Variants in WWOX observed in about 807,000 individuals in gnomAD.
The protein encoded by WWOX is WW domain-containing oxidoreductase.
WWOX carries 69 observed loss-of-function variants against 46.2 expected under a neutral mutation model. The ratio of observed to expected loss-of-function variants is 1.49; its 90% CI spans 1.23 to 1.82. The LOEUF is 1.82. WWOX is among the 40% of genes most tolerant of loss of function. The pLI is 0.00. For missense variants in WWOX, 919 were observed against 542.6 expected (o/e 1.69, Z -6.89); for synonymous variants, 359 against 202.6 (o/e 1.77, Z -6.56).
At chr16:79,012,406 C>T (rs111770210) in intron 8 of WWOX, among the ~76,000 whole-genome samples, 2 of 151,986 alleles carry the variant, frequency 1.3e-5, no homozygotes, top group Admixed American at 1.3e-4. Flanking sequence ...CTAATTTTTG[C>T]ATTTTTAGTA....
At chr16:78,361,139 T>C (rs1056795379) in intron 5 of WWOX, among the ~76,000 whole-genome samples, 10 of 152,050 alleles carry the variant, frequency 6.6e-5, no homozygotes, top group Non-Finnish European at 1.5e-4. Flanking sequence ...ATTCAGTCTT[T>C]GATAGTTGCT....
At chr16:78,500,464 T>G (rs2085033895) in intron 8 of WWOX, among the ~76,000 whole-genome samples, 1 of 152,126 alleles carries the variant, frequency 6.6e-6, no homozygotes. Flanking sequence ...GTTTGTTTTT[T>G]TTTAGATCGC....
intron 5 of WWOX, among the ~76,000 whole-genome samples, chr16:78,365,038 C>T (rs1332529010): frequency 6.6e-6 from 1 of 152,080 alleles, no homozygotes; most frequent in Admixed American, 6.6e-5. Context: ...TTCTTTGGGG[C>T]CGGTTAGACT....
At chr16:78,946,859 C>G (rs1326713440) in intron 8 of WWOX, among the ~76,000 whole-genome samples, 2 of 152,020 alleles carry the variant, frequency 1.3e-5, no homozygotes, top group African/African-American at 4.8e-5. Context: ...GTAAGAATGG[C>G]CGTGGCAAGG....
chr16:78,648,899 C>T (rs2046904719), intron 8 of WWOX, among the ~76,000 whole-genome samples: 1 of 152,096 alleles, frequency 6.6e-6, no homozygotes, highest in Non-Finnish European at 1.5e-5. Context: ...TAGCTTTGCA[C>T]TAGGTTAATT....
At chr16:78,540,138 C>T (rs894224142) in intron 8 of WWOX, among the ~76,000 whole-genome samples, 2 of 151,180 alleles carry the variant, frequency 1.3e-5, no homozygotes, top group East Asian at 3.9e-4. Context: ...TCAATTTCTG[C>T]CTGAGAGAGT....
chr16:78,806,914 G>A (rs1018567776), intron 8 of WWOX, among the ~76,000 whole-genome samples: 1 of 152,162 alleles, frequency 6.6e-6, no homozygotes, highest in Admixed American at 6.5e-5. Context: ...ATGGTATTTG[G>A]CAAGGGGTCA....
intron 5 of WWOX, among the ~76,000 whole-genome samples, chr16:78,380,576 G>A (rs888824830): frequency 6.6e-6 from 1 of 151,966 alleles, no homozygotes; most frequent in Non-Finnish European, 1.5e-5. Flanking sequence ...CCCATTCAGC[G>A]GTGACCACCA....
At chr16:78,770,320 C>T (rs373539832) in intron 8 of WWOX, among the ~76,000 whole-genome samples, 22 of 151,940 alleles carry the variant, frequency 1.4e-4, no homozygotes, top group African/African-American at 4.4e-4. Flanking sequence ...CACTGTACTC[C>T]AGCCTGGGCC....
chr16:78,952,101 G>A (rs544505859), intron 8 of WWOX, among the ~76,000 whole-genome samples: 35 of 152,066 alleles, frequency 2.3e-4, no homozygotes, highest in Admixed American at 1.5e-3. Flanking sequence ...CCTAGCCCCC[G>A]TGTACCTTCC....
At chr16:78,512,779 A>G (rs1197323216) in intron 8 of WWOX, among the ~76,000 whole-genome samples, 1 of 152,234 alleles carries the variant, frequency 6.6e-6, no homozygotes, top group Middle Eastern at 3.2e-3. Flanking sequence ...TAAATCAATG[A>G]AGGTTACTGT....
At chr16:78,738,442 C>T (rs1382845388) in intron 8 of WWOX, among the ~76,000 whole-genome samples, 2 of 152,022 alleles carry the variant, frequency 1.3e-5, no homozygotes, top group Non-Finnish European at 2.9e-5. Flanking sequence ...ATTCAGGTGG[C>T]CAATGAAGTG....
In WWOX at chr16:79,212,255, A is replaced by G. The variant is rs2051789850; in HGVS notation, c.*459A>G. 2 of 1,318,682 alleles carry G rather than the reference A, an allele frequency of 1.5e-6. No individual in the cohort carries two copies. Among genetic ancestry groups the G allele is most frequent in the Non-Finnish European group, 2.0e-6 (2 of 994,992 alleles). 81.7% of individuals were successfully genotyped at this position (1,318,682 alleles called of 1,614,324 possible). On this transcript the variant is annotated 3_prime_UTR_variant, in exon 9 of 9. Transcript: ENST00000566780. ...TCCTTGCTGCATTGATCCAGGAGATAATTGTTTCATTCATCCTGACCAAGA... is the reference window on the plus strand; with the variant it reads ...TCCTTGCTGCATTGATCCAGGAGATGATTGTTTCATTCATCCTGACCAAGA...
In WWOX at chr16:78,554,962, A is replaced by G. The variant is rs1335675044; in HGVS notation, c.1056+122210A>G. On this transcript the variant is annotated intron_variant, in intron 8 of 8. Coordinates refer to ENST00000566780, the MANE Select transcript of WWOX (RefSeq NM_016373.4). ...TAGGCGGCCTGTTCTCCCACAAAGC[A>G]CTGAGTAAGAAGAAAAGGGGCCCGG... Among the ~76,000 whole-genome samples the G allele has an allele frequency of 2.0e-5, 3 of 152,210 alleles. No homozygotes were observed. In the East Asian group the frequency reaches 5.8e-4, roughly 29 times the overall value.
At chr16:78,640,713 C>G (rs2046686516) in intron 8 of WWOX, among the ~76,000 whole-genome samples, 3 of 151,984 alleles carry the variant, frequency 2.0e-5, no homozygotes. Flanking sequence ...TCGAGGCAGG[C>G]AGATTGCCTG....
chr16:78,583,325 C>T (rs1167076548), intron 8 of WWOX, among the ~76,000 whole-genome samples: 2 of 152,196 alleles, frequency 1.3e-5, no homozygotes, highest in Non-Finnish European at 2.9e-5. Flanking sequence ...AATGTTGGCA[C>T]TTCCAGAGTA....
At chr16:78,952,637 G>A (rs2046084896) in intron 8 of WWOX, among the ~76,000 whole-genome samples, 1 of 152,084 alleles carries the variant, frequency 6.6e-6, no homozygotes, top group Admixed American at 6.5e-5. Flanking sequence ...GTCCACCTCT[G>A]CTTCCCAAAG....
At position 78,614,397 on chromosome 16, in the gene WWOX, G is replaced by C. The variant is rs112710806; in HGVS notation, c.1056+181645G>C. On this transcript the variant is annotated intron_variant, in intron 8 of 8. Coordinates refer to ENST00000566780, the MANE Select transcript of WWOX (RefSeq NM_016373.4). ...ATCTTCAATGCATCATTTATTCTGA[G>C]TCCACATTGCTGCCTTTGAGCCGGG... Among the ~76,000 whole-genome samples, 162 of 152,318 alleles carry C rather than the reference G, an allele frequency of 1.1e-3. 2 individuals are homozygous for C. Among genetic ancestry groups the C allele is most frequent in the African/African-American group, 3.8e-3 (159 of 41,568 alleles).
chr16:78,910,151 C>G (rs2045070814), intron 8 of WWOX, among the ~76,000 whole-genome samples: 1 of 147,878 alleles, frequency 6.8e-6, no homozygotes, highest in African/African-American at 2.4e-5. Context: ...GGGGATGATG[C>G]TTTTTCTCCC....
Sources: allele counts gnomAD v4.1 joint callset (sites outside exome capture counted in the v4.1 genomes callset), GRCh38; gene constraint gnomAD v4.1.1; transcripts MANE v1.5; gene names NCBI Gene and HGNC (gene_info 2026-07-23, HGNC 2026-07-21).